Variants in ZNF729 observed in about 807,000 individuals in gnomAD.
The protein encoded by ZNF729 is zinc finger protein 729.
In ZNF729, 15 loss-of-function variants were observed where a neutral mutation model predicts 12.2. That is an observed-to-expected ratio of 1.23 (90% CI 0.82 to 1.89). The LOEUF is 1.89. ZNF729 is among the 40% of genes most tolerant of loss of function. The pLI, the probability that ZNF729 is intolerant of heterozygous loss-of-function variation, is 0.00. For synonymous variants in ZNF729, 492 were observed against 476.3 expected, an observed-to-expected ratio of 1.03 and a Z score of -0.43; for missense variants, 1,540 against 1,456.7, an observed-to-expected ratio of 1.06 and a Z score of -0.93.
chr19:22,286,558 G>C lies in ZNF729; in HGVS notation c.30+3G>C, dbSNP rs752097082. 1.4e-5 allele frequency: 23 copies of C among 1,613,804 alleles called. No individual in the cohort carries two copies. The highest frequency in any genetic ancestry group is 1.9e-5 in the Non-Finnish European group (22 of 1,179,988). Reference sequence around the variant, plus strand: ...GTGCCCCTGGCAGCCTAGAAATGGTGAGAGTGCCGGGTCCGACATCCCGAG... The same window carrying C: ...GTGCCCCTGGCAGCCTAGAAATGGTCAGAGTGCCGGGTCCGACATCCCGAG... On this transcript the variant is annotated splice_donor_region_variant and intron_variant, in intron 1 of 3. Coordinates refer to ENST00000601693, the MANE Select transcript of ZNF729 (RefSeq NM_001242680.2).
Position 22,315,039 on chromosome 19 carries a change from A to G in ZNF729, c.1622A>G (p.Glu541Gly). ...LRNHQIIHTG[E>G]KPYKCEECGK... is the part of the protein sequence containing the mutation. ...AACCATCAGATAATTCATACTGGAGAGAAACCCTACAAATGTGAAGAATGT... is the reference window on the plus strand; with the variant it reads ...AACCATCAGATAATTCATACTGGAGGGAAACCCTACAAATGTGAAGAATGT... The change falls in exon 4 of 4, where the codon GAG (glutamate) becomes GGG (glycine). Residue 541 changes from glutamate to glycine, a missense_variant. Transcript: ENST00000601693. 2.5e-6 allele frequency: 4 copies of G among 1,611,712 alleles called. No homozygotes were observed. Among genetic ancestry groups the G allele is most frequent in the Non-Finnish European group, 3.4e-6 (4 of 1,179,770 alleles).
chr19:22,286,890 C>T (rs747459572), intron 1 of ZNF729, among the ~76,000 whole-genome samples: 3 of 152,184 alleles, frequency 2.0e-5, no homozygotes, highest in Non-Finnish European at 4.4e-5. Context: ...GATGCGGGTT[C>T]ATGAATGGGA....
intron 1 of ZNF729, among the ~76,000 whole-genome samples, chr19:22,288,440 G>C (rs1968110178): frequency 6.6e-6 from 1 of 151,214 alleles, no homozygotes; most frequent in South Asian, 2.1e-4. Context: ...TCCTGGTCCT[G>C]GGTTTCAGTA....
intron 1 of ZNF729, among the ~76,000 whole-genome samples, chr19:22,289,163 A>C (rs1242101299): frequency 6.6e-6 from 1 of 152,238 alleles, no homozygotes; most frequent in Middle Eastern, 3.4e-3. Context: ...AATATTTACC[A>C]AGGGCAAAAA....
chr19:22,314,489 A>C lies in ZNF729; in HGVS notation c.1072A>C (p.Ser358Arg). The stretch of plus-strand genomic sequence containing the variant: ...GCGTGAAGAATGTGGCAAAGCTTTT[A>C]GCCAGTCCTCAACCCTTAGAAAACA... ...YKREECGKAF[S>R]QSSTLRKHEI... The change falls in exon 4 of 4, where the codon AGC becomes CGC. Residue 358 changes from serine (S) to arginine (R), a missense_variant. Coordinates refer to ENST00000601693, the MANE Select transcript of ZNF729 (RefSeq NM_001242680.2). 1 of 1,608,882 alleles carries C rather than the reference A, an allele frequency of 6.2e-7. No individual in the cohort carries two copies. The highest frequency in any genetic ancestry group is 8.5e-7 in the Non-Finnish European group (1 of 1,177,926).
chr19:22,307,216 T>G (rs1968389229), intron 3 of ZNF729, among the ~76,000 whole-genome samples: 1 of 151,888 alleles, frequency 6.6e-6, no homozygotes, highest in African/African-American at 2.4e-5. Flanking sequence ...TATGTTTTTG[T>G]GCTGATCTTG....
At chr19:22,305,309 A>G (rs1968364657) in intron 3 of ZNF729, among the ~76,000 whole-genome samples, 1 of 152,136 alleles carries the variant, frequency 6.6e-6, no homozygotes, top group Non-Finnish European at 1.5e-5. Context: ...TTTATAAATT[A>G]TCTACTCTCA....
chr19:22,309,473 C>G (rs1968424238), intron 3 of ZNF729, among the ~76,000 whole-genome samples: 1 of 152,054 alleles, frequency 6.6e-6, no homozygotes, highest in Non-Finnish European at 1.5e-5. Context: ...TATCCTTTAC[C>G]CACTTTATGT....
intron 1 of ZNF729, among the ~76,000 whole-genome samples, chr19:22,287,325 A>G (rs2145037042): frequency 6.6e-6 from 1 of 150,870 alleles, no homozygotes; most frequent in African/African-American, 2.4e-5. Flanking sequence ...GGAGTGCAAT[A>G]GCGCGATCTC....
intron 1 of ZNF729, among the ~76,000 whole-genome samples, chr19:22,303,333 T>C (rs183789088): frequency 2.7e-5 from 4 of 150,336 alleles, no homozygotes; most frequent in Admixed American, 2.7e-4. Context: ...TTATTCTAGA[T>C]CTTCTAAAAT....
chr19:22,312,478 T>TGTGTGTGTG (rs1568576354), intron 3 of ZNF729, among the ~76,000 whole-genome samples: 25 of 102,392 alleles, frequency 2.4e-4, no homozygotes, highest in African/African-American at 1.2e-3. Flanking sequence ...GTGTGTGTGT[T>TGTGTGTGTG]TAGATAAAGA....
At chr19:22,303,914 A>G (rs768666152) in intron 2 of ZNF729, 30 bp downstream of exon 2, 4 of 1,534,576 alleles carry the variant, frequency 2.6e-6, no homozygotes, top group South Asian at 1.1e-5. Flanking sequence ...AGCAATTCCT[A>G]TTATATTCTA....
intron 3 of ZNF729, among the ~76,000 whole-genome samples, chr19:22,313,148 C>T (rs781440687): frequency 2.0e-5 from 3 of 151,978 alleles, no homozygotes; most frequent in Non-Finnish European, 4.4e-5. Context: ...TCTCTACTCC[C>T]CAAGTTCAAG....
intron 1 of ZNF729, chr19:22,299,566 T>G (rs897322092): frequency 1.3e-5 from 2 of 152,350 alleles, no homozygotes; most frequent in Non-Finnish European, 2.9e-5. Flanking sequence ...TTAACTTTTT[T>G]TTTTCTCTAA....
intron 3 of ZNF729, among the ~76,000 whole-genome samples, chr19:22,307,317 T>C (rs887149047): frequency 5.5e-5 from 1 of 18,118 alleles, no homozygotes; most frequent in Admixed American, 5.4e-4. Context: ...CAATGTAGCA[T>C]TTTTTTTTTT....
chr19:22,293,685 G>A (rs1435581698), intron 1 of ZNF729, among the ~76,000 whole-genome samples: 3 of 151,272 alleles, frequency 2.0e-5, no homozygotes, highest in Non-Finnish European at 4.4e-5. Flanking sequence ...GTAAAGACAG[G>A]GTTTCATCAT....
rs762777502 is a variant in ZNF729 at position 22,316,507 on chromosome 19, C to T, written c.3090C>T (p.Asn1030=). Reference sequence around the variant, plus strand: ...GTGAAGAATGTGTCAAAGCTTTTAACAATTTCTCAGCCCTTATGAAACATA... The same window carrying T: ...GTGAAGAATGTGTCAAAGCTTTTAATAATTTCTCAGCCCTTATGAAACATA... The part of the protein sequence containing the change: ...YKCEECVKAF[N]NFSALMKHKI... Residue 1030 remains asparagine, a synonymous_variant, in exon 4 of 4, where the codon AAC becomes AAT. Transcript: ENST00000601693. 12 of 1,612,568 alleles carry T rather than the reference C, an allele frequency of 7.4e-6. No homozygotes were observed. The highest frequency in any genetic ancestry group is 1.3e-5 in the African/African-American group (1 of 74,598).
At chr19:22,306,489 TTC>T (rs1249757344) in intron 3 of ZNF729, among the ~76,000 whole-genome samples, 1 of 149,292 alleles carries the variant, frequency 6.7e-6, no homozygotes, top group Non-Finnish European at 1.5e-5. Flanking sequence ...AGTTTCATTG[TTC>T]TGTTTTATGT....
At chr19:22,294,286 A>G (rs1027485695) in intron 1 of ZNF729, among the ~76,000 whole-genome samples, 2 of 152,084 alleles carry the variant, frequency 1.3e-5, no homozygotes, top group Non-Finnish European at 2.9e-5. Context: ...GGCGTGTGGC[A>G]TTATTTCTGG....
Sources: gnomAD v4.1 joint callset for allele counts (sites outside exome capture counted in the v4.1 genomes callset) on GRCh38, gnomAD v4.1.1 for gene constraint, MANE v1.5 for transcripts, NCBI Gene and HGNC (gene_info 2026-07-23, HGNC 2026-07-21) for gene names.